NCKAP5: variants seen among roughly 807,000 people sequenced by gnomAD.
The protein encoded by NCKAP5 is nck-associated protein 5.
In NCKAP5, 92 loss-of-function variants were observed where a neutral mutation model predicts 167.0. The ratio of observed to expected loss-of-function variants is 0.55; its 90% CI spans 0.47 to 0.66. NCKAP5 has a LOEUF of 0.66. Ranked by LOEUF, NCKAP5 falls within the 30% of genes least tolerant of loss-of-function variation. NCKAP5 has a pLI of 0.00. For synonymous variants in NCKAP5, 891 were observed against 877.4 expected, an observed-to-expected ratio of 1.02 and a Z score of -0.27; for missense variants, 2,378 against 2,315.0, an observed-to-expected ratio of 1.03 and a Z score of -0.56.
At chr2:133,290,747 TTTG>T (rs1176204437) in intron 4 of NCKAP5, among the ~76,000 whole-genome samples, 9 of 145,284 alleles carry the variant, frequency 6.2e-5, no homozygotes, top group African/African-American at 1.9e-4. Context: ...TTTTTTTTTT[TTTG>T]TTGTTGTTGT....
intron 8 of NCKAP5, among the ~76,000 whole-genome samples, chr2:132,952,236 G>A (rs2076209658): frequency 6.6e-6 from 1 of 152,044 alleles, no homozygotes; most frequent in Admixed American, 6.6e-5. Flanking sequence ...TTTCTTCTTT[G>A]ATAGCTCTTA....
intron 16 of NCKAP5, among the ~76,000 whole-genome samples, chr2:132,745,023 G>T (rs760181917): frequency 5.9e-5 from 9 of 151,640 alleles, no homozygotes; most frequent in Non-Finnish European, 3.0e-5. Flanking sequence ...GAATTCTTCA[G>T]AATTTATAAG....
intron 6 of NCKAP5, among the ~76,000 whole-genome samples, chr2:133,129,202 G>A (rs1198325340): frequency 2.6e-5 from 4 of 151,328 alleles, no homozygotes; most frequent in East Asian, 2.0e-4. Context: ...CCATTAACTC[G>A]TCATTTAGCA....
upstream of NCKAP5, among the ~76,000 whole-genome samples, chr2:133,570,400 T>C (rs750991094): frequency 6.6e-6 from 1 of 152,192 alleles, no homozygotes; most frequent in Admixed American, 6.5e-5. Context: ...GTCTGACCTA[T>C]AGTAGGTGCT....
At chr2:132,678,716 G>A (rs73957610) in intron 19 of NCKAP5, among the ~76,000 whole-genome samples, 1,675 of 152,214 alleles carry the variant, frequency 0.011, 34 homozygotes, top group African/African-American at 0.038. Context: ...TGCAGATAGC[G>A]AGGTCTAAAT....
At chr2:132,677,911 T>C (rs1684708074) in intron 19 of NCKAP5, among the ~76,000 whole-genome samples, 2 of 152,178 alleles carry the variant, frequency 1.3e-5, no homozygotes, top group Admixed American at 6.5e-5. Flanking sequence ...TTCCACGCGA[T>C]ATTTATGGAA....
the NCKAP5 span, among the ~76,000 whole-genome samples, chr2:133,656,847 T>C: frequency 6.6e-6 from 1 of 152,142 alleles, no homozygotes; most frequent in Admixed American, 6.5e-5. Flanking sequence ...TAGTGGTGAT[T>C]TGTGAGATTT....
chr2:133,099,162 T>C lies in NCKAP5; in HGVS notation c.341+30816A>G, dbSNP rs2081428439. On this transcript the variant is annotated intron_variant, in intron 6 of 19. Transcript: ENST00000409261. ...TAGCTATTCTAAGTCCCAAGAGTAA[T>C]TTTGCAAATGAATGAAAAATGTAAA... is the stretch of plus-strand genomic sequence containing the variant. 4.6e-5 allele frequency among the ~76,000 whole-genome samples: 7 copies of C among 152,216 alleles called. No homozygotes were observed. The South Asian group carries it at 1.4e-3, about 32-fold the overall frequency.
intron 8 of NCKAP5, among the ~76,000 whole-genome samples, chr2:132,886,852 C>G (rs1181118091): frequency 6.6e-6 from 1 of 151,964 alleles, no homozygotes; most frequent in Non-Finnish European, 1.5e-5. Flanking sequence ...TTTTTGAGAG[C>G]CAACATGAAT....
At chr2:133,006,631 T>TTTTA (rs2077979058) in intron 6 of NCKAP5, among the ~76,000 whole-genome samples, 1 of 152,110 alleles carries the variant, frequency 6.6e-6, no homozygotes, top group African/African-American at 2.4e-5. Context: ...ATTTTATTTT[T>TTTTA]TTTTTGACAC....
intron 5 of NCKAP5, among the ~76,000 whole-genome samples, chr2:133,174,588 C>T (rs1203826588): frequency 2.0e-5 from 3 of 152,046 alleles, no homozygotes; most frequent in Non-Finnish European, 4.4e-5. Context: ...ATTGTACCAG[C>T]TTTGGTTATT....
At chr2:133,460,577 C>T (rs980869498) in intron 3 of NCKAP5, among the ~76,000 whole-genome samples, 24 of 152,218 alleles carry the variant, frequency 1.6e-4, no homozygotes, top group African/African-American at 5.3e-4. Context: ...TAGAATAACG[C>T]TTAGGAGCAG....
At chr2:132,777,385 C>T (rs1682640127) in intron 15 of NCKAP5, among the ~76,000 whole-genome samples, 1 of 152,028 alleles carries the variant, frequency 6.6e-6, no homozygotes, top group Admixed American at 6.5e-5. Context: ...CATAATTAAA[C>T]CCAATTTTAT....
At chr2:133,566,637 C>T (rs183431140) in intron 1 of NCKAP5, among the ~76,000 whole-genome samples, 1 of 152,296 alleles carries the variant, frequency 6.6e-6, no homozygotes, top group Admixed American at 6.5e-5. Flanking sequence ...TATTTAAGAA[C>T]TTGAGAAGTG....
At chr2:133,213,908 T>G in intron 4 of NCKAP5, 129 bp from the exon 5 acceptor site, 2 of 757,778 alleles carry the variant, frequency 2.6e-6, no homozygotes, top group Non-Finnish European at 4.4e-6. Context: ...TCCTCCTCTA[T>G]ACTTTCTATA....
intron 4 of NCKAP5, among the ~76,000 whole-genome samples, chr2:133,257,135 G>A (rs980045026): frequency 1.3e-5 from 2 of 152,284 alleles, no homozygotes; most frequent in Admixed American, 1.3e-4. Flanking sequence ...ATATGTCTAT[G>A]TAGCACAAGT....
chr2:132,885,937 T>A (rs1432943339), intron 8 of NCKAP5, among the ~76,000 whole-genome samples: 1 of 152,212 alleles, frequency 6.6e-6, no homozygotes, highest in Non-Finnish European at 1.5e-5. Flanking sequence ...TTATACTTTG[T>A]CTCCACTCAC....
At chr2:133,228,682 G>A (rs773654898) in intron 4 of NCKAP5, among the ~76,000 whole-genome samples, 2 of 152,116 alleles carry the variant, frequency 1.3e-5, no homozygotes, top group Admixed American at 1.3e-4. Flanking sequence ...ACAGTCTTAG[G>A]AGGCACACAA....
intron 16 of NCKAP5, among the ~76,000 whole-genome samples, chr2:132,756,863 C>T (rs971305476): frequency 1.3e-5 from 2 of 152,064 alleles, no homozygotes; most frequent in African/African-American, 4.8e-5. Flanking sequence ...TTCAAATGGG[C>T]AGAAACTCAC....
Sources: gnomAD v4.1 joint callset for allele counts (sites outside exome capture counted in the v4.1 genomes callset) on GRCh38, gnomAD v4.1.1 for gene constraint, MANE v1.5 for transcripts, NCBI Gene and HGNC (gene_info 2026-07-23, HGNC 2026-07-21) for gene names.